Variants in XKR6 observed in about 807,000 individuals in gnomAD.
XKR6 encodes XK related 6.
XKR6 carries 22 observed loss-of-function variants against 56.7 expected under a neutral mutation model. That is an observed-to-expected ratio of 0.39 (90% CI 0.28 to 0.55). The LOEUF (loss-of-function observed/expected upper bound fraction) is 0.55, where lower values mean the gene tolerates loss of function less well. Among genes scored for constraint, XKR6 ranks in the 20% least tolerant of loss-of-function variants. The probability of loss-of-function intolerance (pLI) is 0.66; values close to 1 mark genes in which losing one functional copy is unlikely to be tolerated. For synonymous variants in XKR6, 524 were observed against 387.8 expected (o/e 1.35, Z -4.13); for missense variants, 852 against 889.0 (o/e 0.96, Z 0.53).
At chr8:11,081,641 T>C (rs1797725217) in intron 1 of XKR6, among the ~76,000 whole-genome samples, 1 of 151,936 alleles carries the variant, frequency 6.6e-6, no homozygotes, top group Non-Finnish European at 1.5e-5. Flanking sequence ...TCTTCTTCCT[T>C]TCCCCACGGC....
intron 1 of XKR6, among the ~76,000 whole-genome samples, chr8:11,014,437 G>A (rs1798571501): frequency 1.3e-5 from 2 of 152,148 alleles, no homozygotes; most frequent in Non-Finnish European, 2.9e-5. Flanking sequence ...ACCCCCTGCG[G>A]GCTCCCCAAG....
chr8:11,004,353 T>A (rs1233891172), intron 1 of XKR6, among the ~76,000 whole-genome samples: 8 of 152,086 alleles, frequency 5.3e-5, no homozygotes, highest in Admixed American at 3.9e-4. Context: ...ACACCTGCAA[T>A]ACCAGCTACT....
rs190371987 is a variant in XKR6, at chr8:10,904,949, G to A, written c.962-6033C>T. Among the ~76,000 whole-genome samples the A allele has an allele frequency of 1.6e-3, 244 of 152,264 alleles. 2 individuals carry two copies. Among genetic ancestry groups the A allele is most frequent in the African/African-American group, 5.6e-3 (232 of 41,550 alleles). Reference sequence around the variant, plus strand: ...CAGCCCCACCGCTAAGTCATGTGTCGGAAACACACTTGATGATGAGGGACC... The same window carrying A: ...CAGCCCCACCGCTAAGTCATGTGTCAGAAACACACTTGATGATGAGGGACC... On this transcript the variant is annotated intron_variant, in intron 2 of 2. Coordinates refer to ENST00000416569, the MANE Select transcript of XKR6 (RefSeq NM_173683.4).
chr8:11,131,424 T>C (rs1481091650), intron 1 of XKR6, among the ~76,000 whole-genome samples: 1 of 152,180 alleles, frequency 6.6e-6, no homozygotes, highest in African/African-American at 2.4e-5. Context: ...TTTTGAGTTT[T>C]TCTTTATTTA....
chr8:11,158,184 A>G (rs533260695), intron 1 of XKR6, among the ~76,000 whole-genome samples: 3 of 152,340 alleles, frequency 2.0e-5, no homozygotes, highest in East Asian at 1.9e-4. Context: ...ATCGTCAGCC[A>G]TAATGACAGG....
At chr8:11,059,518 G>A (rs1263696151) in intron 1 of XKR6, among the ~76,000 whole-genome samples, 3 of 152,052 alleles carry the variant, frequency 2.0e-5, no homozygotes, top group Middle Eastern at 3.2e-3. Flanking sequence ...GGGCGGCGCC[G>A]CTCCAGTGTT....
At chr8:11,105,872 A>C (rs1798656577) in intron 1 of XKR6, 1 of 152,256 alleles carries the variant, frequency 6.6e-6, no homozygotes, top group African/African-American at 2.4e-5. Flanking sequence ...ATATACAAGC[A>C]GCTTCTGCGA....
At chr8:11,117,992 C>T (rs1191609899) in intron 1 of XKR6, among the ~76,000 whole-genome samples, 1 of 151,910 alleles carries the variant, frequency 6.6e-6, no homozygotes, top group Admixed American at 6.6e-5. Flanking sequence ...CCAAACAGAC[C>T]GTTAGGAGAG....
chr8:11,017,452 G>C (rs192340243), intron 1 of XKR6, among the ~76,000 whole-genome samples: 282 of 152,380 alleles, frequency 1.9e-3, no homozygotes, highest in African/African-American at 6.6e-3. Context: ...CTCAAGTGCT[G>C]GCTGCAGGCA....
At chr8:11,108,036 G>C (rs1586554716) in intron 1 of XKR6, 1 of 326,568 alleles carries the variant, frequency 3.1e-6, no homozygotes, top group Non-Finnish European at 5.9e-6. Flanking sequence ...CTCTCAGCGA[G>C]GCTGTATTTT....
At chr8:11,144,560 T>G (rs1800881757) in intron 1 of XKR6, among the ~76,000 whole-genome samples, 1 of 151,972 alleles carries the variant, frequency 6.6e-6, no homozygotes, top group Non-Finnish European at 1.5e-5. Flanking sequence ...TGATTTTGAC[T>G]AACGAGCAGT....
intron 1 of XKR6, among the ~76,000 whole-genome samples, chr8:11,110,116 G>T (rs562181385): frequency 6.6e-6 from 1 of 152,028 alleles, no homozygotes; most frequent in African/African-American, 2.4e-5. Flanking sequence ...GGGATTACAG[G>T]TGCCCGCCAC....
intron 1 of XKR6, among the ~76,000 whole-genome samples, chr8:11,121,592 G>A (rs1446310013): frequency 1.3e-5 from 2 of 152,230 alleles, no homozygotes; most frequent in Non-Finnish European, 2.9e-5. Flanking sequence ...TGGTGGGACT[G>A]TAAACTAGTT....
Position 10,898,901 on chromosome 8 carries a change from G to C in XKR6, c.977C>G (p.Thr326Ser), listed in dbSNP as rs1330045517. ...AETLPCVSSV[T>S]SLMSLAWVLA... is the part of the protein sequence containing the mutation. ...CACCCAAGCCAGGGACATCAGGGAA[G>C]TCACAGAGGAGACACCTGCCGGAAA... The change falls in exon 3 of 3, where the codon ACT becomes AGT. Residue 326 changes from threonine to serine, a missense_variant. This residue lies in a region of XKR6 where 199 missense variants were observed against 280.4 expected (regional missense o/e 0.71). Coordinates refer to ENST00000416569, the MANE Select transcript of XKR6 (RefSeq NM_173683.4). The surrounding 1 kb of genome is among the most constrained non-coding windows in gnomAD (Gnocchi z 6.6). 1 of 1,607,190 alleles carries C rather than the reference G, an allele frequency of 6.2e-7. No individual in the cohort carries two copies. The highest frequency in any genetic ancestry group is 8.5e-7 in the Non-Finnish European group (1 of 1,176,306).
chr8:11,178,672 G>T (rs1802808271), intron 1 of XKR6, among the ~76,000 whole-genome samples: 1 of 132,138 alleles, frequency 7.6e-6, no homozygotes, highest in Non-Finnish European at 1.5e-5. Context: ...TATACACAGA[G>T]ATAAATATAT....
At chr8:11,087,461 T>A (rs548437444) in intron 1 of XKR6, among the ~76,000 whole-genome samples, 2 of 152,308 alleles carry the variant, frequency 1.3e-5, no homozygotes, top group East Asian at 3.9e-4. Flanking sequence ...AGCAACGTGA[T>A]GAAGTTTGGC....
chr8:11,037,585 C>T (rs913300600), intron 1 of XKR6, among the ~76,000 whole-genome samples: 17 of 152,188 alleles, frequency 1.1e-4, no homozygotes, highest in African/African-American at 4.1e-4. Context: ...ATGGGCCGGG[C>T]GCAGTGGCTC....
At chr8:11,148,035 C>T (rs557096146) in intron 1 of XKR6, among the ~76,000 whole-genome samples, 1 of 151,986 alleles carries the variant, frequency 6.6e-6, no homozygotes, top group South Asian at 2.1e-4. Flanking sequence ...CATGGTGAAA[C>T]CCTATCTCTA....
chr8:11,108,392 C>T (rs752974054), intron 1 of XKR6: 2 of 447,570 alleles, frequency 4.5e-6, no homozygotes, highest in African/African-American at 2.0e-5. Context: ...TCTGATACCC[C>T]AAGACATAAG....
Sources: gnomAD v4.1 joint callset for allele counts (sites outside exome capture counted in the v4.1 genomes callset) on GRCh38, gnomAD v4.1.1 for gene constraint, gnomAD v4.1.1 regional missense constraint, Gnocchi (gnomAD v3.1) non-coding constraint, MANE v1.5 for transcripts, NCBI Gene and HGNC (gene_info 2026-07-23, HGNC 2026-07-21) for gene names.